Variants in PKNOX1 observed in about 807,000 individuals in gnomAD.
The protein encoded by PKNOX1 is homeobox protein PKNOX1.
A neutral mutation model predicts 51.9 loss-of-function variants in PKNOX1; 15 were observed. The ratio of observed to expected loss-of-function variants is 0.29; its 90% CI spans 0.19 to 0.45. The LOEUF is 0.45. Among genes scored for constraint, PKNOX1 ranks in the 20% least tolerant of loss-of-function variants. The probability of loss-of-function intolerance (pLI) is 1.00; values close to 1 mark genes in which losing one functional copy is unlikely to be tolerated. For missense variants in PKNOX1, 462 were observed against 547.5 expected (o/e 0.84, Z 1.56); for synonymous variants, 219 against 211.1 (o/e 1.04, Z -0.32).
intron 1 of PKNOX1, among the ~76,000 whole-genome samples, chr21:42,994,031 CT>C (rs34173115): frequency 0.45 from 41,724 of 93,052 alleles, 9,260 homozygotes; most frequent in Middle Eastern, 0.56. Flanking sequence ...CGCGCCCAGC[CT>C]TTTTTTTTTT....
Position 43,010,195 on chromosome 21 carries a change from T to C in PKNOX1, c.322T>C (p.Phe108Leu), listed in dbSNP as rs753763668. The change falls in exon 4 of 11, where the codon TTT becomes CTT. Residue 108 changes from phenylalanine to leucine, a missense_variant. Phe to Leu is a conservative substitution (Grantham distance 22, BLOSUM62 0). This residue lies in a region of PKNOX1 where 129 missense variants were observed against 133.4 expected (regional missense o/e 0.97). Transcript: ENST00000291547. The stretch of plus-strand genomic sequence containing the variant: ...GCAAGAGAAGGAAGGGAAACCTTTC[T>C]TTTGTGAAGATCCAGAAACTGATAA... ...RKQEKEGKPF[F>L]CEDPETDNLM... The C allele has an allele frequency of 6.3e-7, 1 of 1,583,074 alleles. No individual in the cohort carries two copies. The highest frequency in any genetic ancestry group is 1.4e-5 in the African/African-American group (1 of 73,642).
At chr21:43,012,632 C>G (rs1601293745) in intron 4 of PKNOX1, among the ~76,000 whole-genome samples, 1 of 152,314 alleles carries the variant, frequency 6.6e-6, no homozygotes. Context: ...TCTTGAGGAT[C>G]TAGAACTAGG....
intron 2 of PKNOX1, 132 bp downstream of exon 2, chr21:43,004,564 G>T: frequency 1.6e-6 from 1 of 627,908 alleles, no homozygotes; most frequent in Non-Finnish European, 2.8e-6. Context: ...TGCATTTATT[G>T]TACATTCGTG....
rs750394727 is a variant in PKNOX1, at chr21:43,010,059, A to G, written c.186A>G (p.Pro62=). The G allele has an allele frequency of 5.1e-6, 8 of 1,554,616 alleles. No individual in the cohort carries two copies. Among genetic ancestry groups the G allele is most frequent in the East Asian group, 2.3e-5 (1 of 43,390 alleles). ...TTTTTTCTTTTCTCCTCAGGCATCC[A>G]CTATTTCCATTATTAGCTTTGTTGT... The part of the protein sequence containing the change: ...DVDKQAIYRH[P]LFPLLALLFE... Residue 62 remains proline (P), a synonymous_variant, in exon 4 of 11, where the codon CCA becomes CCG. Coordinates refer to ENST00000291547, the MANE Select transcript of PKNOX1 (RefSeq NM_004571.5).
Position 43,007,477 on chromosome 21 carries a change from TC to T in PKNOX1, c.52-12del, listed in dbSNP as rs754707754. 2 of 1,612,984 alleles carry T rather than the reference TC, an allele frequency of 1.2e-6. No individual in the cohort carries two copies. Among genetic ancestry groups the T allele is most frequent in the Non-Finnish European group, 1.7e-6 (2 of 1,178,990 alleles). On this transcript the variant is annotated splice_polypyrimidine_tract_variant and intron_variant, in intron 2 of 10. Coordinates refer to ENST00000291547, the MANE Select transcript of PKNOX1 (RefSeq NM_004571.5). ...TTGTGTTTGCTAATAAGAATTATCT[TC>T]CTCCTTTTACAGATGCAAGTAGTAA...
chr21:42,990,318 T>C (rs2059080270), intron 1 of PKNOX1, among the ~76,000 whole-genome samples: 3 of 152,144 alleles, frequency 2.0e-5, no homozygotes, highest in Non-Finnish European at 2.9e-5. Context: ...CCTGGAAACA[T>C]CCATGTTCAC....
At chr21:42,995,738 T>C (rs1237701990) in intron 1 of PKNOX1, among the ~76,000 whole-genome samples, 1 of 152,118 alleles carries the variant, frequency 6.6e-6, no homozygotes, top group Non-Finnish European at 1.5e-5. Flanking sequence ...ACATTTCCTG[T>C]TTCTCATACT....
chr21:42,988,944 G>A (rs2059071172), intron 1 of PKNOX1, among the ~76,000 whole-genome samples: 1 of 148,316 alleles, frequency 6.7e-6, no homozygotes, highest in African/African-American at 2.5e-5. Context: ...TCAGGCTGGG[G>A]ACCCTGCGGG....
chr21:43,030,260 AGTGTGT>A lies in PKNOX1; in HGVS notation c.*187_*192del, dbSNP rs9325621. On this transcript the variant is annotated 3_prime_UTR_variant, in exon 11 of 11. Transcript: ENST00000291547. ...TTTGCCGGTGCAGCGACTTCTTTCAAGTGTGTGTGTGTGTGTGTGTGTGTGTGTGTG... is the reference window on the plus strand; with the variant it reads ...TTTGCCGGTGCAGCGACTTCTTTCAAGTGTGTGTGTGTGTGTGTGTGTGTG... 7.9e-4 allele frequency: 363 copies of A among 457,982 alleles called. No homozygotes were observed. Among genetic ancestry groups the A allele is most frequent in the African/African-American group, 4.1e-3 (206 of 49,868 alleles). The allele number at this position is 457,982 out of a possible 1,614,324, so 28.4% of individuals were successfully genotyped here.
At chr21:43,004,497 C>CT in intron 2 of PKNOX1, 65 bp downstream of exon 2, 1 of 1,034,892 alleles carries the variant, frequency 9.7e-7, no homozygotes, top group Non-Finnish European at 1.5e-6. Context: ...ATGAACATTG[C>CT]TTTGTATACT....
intron 2 of PKNOX1, among the ~76,000 whole-genome samples, chr21:43,006,737 G>A (rs1307042546): frequency 6.6e-6 from 1 of 152,178 alleles, no homozygotes; most frequent in African/African-American, 2.4e-5. Flanking sequence ...GCCCCAAGCT[G>A]CTTCCTCAAG....
chr21:43,032,290 T>C lies in PKNOX1; in HGVS notation c.*2189T>C, dbSNP rs183636018. 3 of 444,010 alleles carry C rather than the reference T, an allele frequency of 6.8e-6. No individual in the cohort carries two copies. The highest frequency in any genetic ancestry group is 4.8e-5 in the Admixed American group (2 of 41,628). The allele number at this position is 444,010 out of a possible 1,614,324, so 27.5% of individuals were successfully genotyped here. On this transcript the variant is annotated 3_prime_UTR_variant, in exon 11 of 11. Transcript: ENST00000291547. ...TTGGACTCCTTAAAATAAGCACCCA[T>C]GAAAGCCAGCCAGCCCTTCCTCCTT...
intron 5 of PKNOX1, among the ~76,000 whole-genome samples, chr21:43,016,431 A>G (rs1054859990): frequency 6.6e-6 from 1 of 151,910 alleles, no homozygotes; most frequent in Admixed American, 6.6e-5. Context: ...CCAGGGGCTG[A>G]CTCCCCAGCA....
chr21:42,977,651 G>A lies in PKNOX1; in HGVS notation c.-57+2987G>A, dbSNP rs192893367. ...CAACCTCCACCTCCCGGGTTCAAGC[G>A]ATTCTCCTGCCTCAGCCTCCGTAGT... On this transcript the variant is annotated intron_variant, in intron 1 of 10. Transcript: ENST00000291547. Among the ~76,000 whole-genome samples, 721 of 142,558 alleles carry A rather than the reference G, an allele frequency of 5.1e-3. 5 individuals carry two copies. The highest frequency in any genetic ancestry group is 6.1e-3 in the Non-Finnish European group (404 of 66,760). The allele number at this position is 142,558 out of a possible 152,430, so 93.5% of individuals were successfully genotyped here.
intron 1 of PKNOX1, among the ~76,000 whole-genome samples, chr21:42,988,218 T>C (rs1262427218): frequency 6.6e-6 from 1 of 151,988 alleles, no homozygotes; most frequent in African/African-American, 2.4e-5. Flanking sequence ...ACCCAGCTAA[T>C]TTTTGTATTT....
At chr21:43,022,362 A>C (rs1979800848) in intron 8 of PKNOX1, among the ~76,000 whole-genome samples, 2 of 151,906 alleles carry the variant, frequency 1.3e-5, no homozygotes. Flanking sequence ...GCCCGTAGCC[A>C]TCTCGCCATT....
chr21:43,013,353 A>G, intron 5 of PKNOX1, 115 bp downstream of exon 5: 2 of 763,300 alleles, frequency 2.6e-6, no homozygotes, highest in Admixed American at 3.2e-5. Flanking sequence ...ACTTTCTACA[A>G]GAAGGACCCT....
Position 43,021,943 on chromosome 21 carries a change from C to G in PKNOX1, c.849+512C>G, listed in dbSNP as rs1694367992. On this transcript the variant is annotated intron_variant, in intron 8 of 10. Transcript: ENST00000291547. This position sits in a 1 kb window ranked among gnomAD's most constrained non-coding sequence, Gnocchi z 4.6. ...TTCCTCCCCCGGGCCATGGCCGCGT[C>G]TTCTCCCTGTCCCCAGGACATCTTA... Among the ~76,000 whole-genome samples the G allele has an allele frequency of 6.6e-6, 1 of 152,242 alleles. No homozygotes were observed. Among genetic ancestry groups the G allele is most frequent in the Non-Finnish European group, 1.5e-5 (1 of 68,038 alleles).
At chr21:43,010,277 A>G in intron 4 of PKNOX1, 53 bp downstream of exon 4, 1 of 1,079,706 alleles carries the variant, frequency 9.3e-7, no homozygotes, top group Non-Finnish European at 1.3e-6. Context: ...TCTGTTCATG[A>G]AATTTTAGGC....
Sources: gnomAD v4.1 joint callset for allele counts (sites outside exome capture counted in the v4.1 genomes callset) on GRCh38, gnomAD v4.1.1 for gene constraint, gnomAD v4.1.1 regional missense constraint, Gnocchi (gnomAD v3.1) non-coding constraint, MANE v1.5 for transcripts, NCBI Gene and HGNC (gene_info 2026-07-23, HGNC 2026-07-21) for gene names.